Variants in RAB27B observed in about 807,000 individuals in gnomAD.
RAB27B encodes the protein ras-related protein Rab-27B.
RAB27B carries 15 observed loss-of-function variants against 24.6 expected under a neutral mutation model. The ratio of observed to expected loss-of-function variants is 0.61; its 90% confidence interval spans 0.41 to 0.94. The LOEUF (loss-of-function observed/expected upper bound fraction) is 0.94, where lower values mean the gene tolerates loss of function less well. Among genes scored for constraint, RAB27B ranks in the 40% least tolerant of loss-of-function variants. The probability of loss-of-function intolerance (pLI) is 0.00; values close to 1 mark genes in which losing one functional copy is unlikely to be tolerated. For synonymous variants in RAB27B, 105 were observed against 92.5 expected (o/e 1.14, Z -0.78); for missense variants, 261 against 266.8 (o/e 0.98, Z 0.15).
At chr18:54,839,315 G>A (rs930071083) in intron 1 of RAB27B, among the ~76,000 whole-genome samples, 1 of 152,064 alleles carries the variant, frequency 6.6e-6, no homozygotes, top group African/African-American at 2.4e-5. Flanking sequence ...TGCAAATTCT[G>A]TTTTTTCCTA....
upstream of RAB27B, among the ~76,000 whole-genome samples, chr18:54,824,038 T>G (rs1910394768): frequency 6.6e-6 from 1 of 152,174 alleles, no homozygotes; most frequent in African/African-American, 2.4e-5. Flanking sequence ...ATTTAGCAAC[T>G]TTACACATTA....
At chr18:54,850,729 T>C (rs1444434081) in intron 1 of RAB27B, among the ~76,000 whole-genome samples, 2 of 151,572 alleles carry the variant, frequency 1.3e-5, no homozygotes, top group Non-Finnish European at 2.9e-5. Context: ...AAGGGACTTA[T>C]TCAGTGCTTT....
At chr18:54,825,380 T>C (rs1910438965), upstream of RAB27B, among the ~76,000 whole-genome samples, 1 of 152,178 alleles carries the variant, frequency 6.6e-6, no homozygotes, top group Non-Finnish European at 1.5e-5. Context: ...TCATTTCTGG[T>C]ATTGTTTTTG....
chr18:54,867,590 G>A (rs1298726610), intron 1 of RAB27B, among the ~76,000 whole-genome samples: 1 of 151,828 alleles, frequency 6.6e-6, no homozygotes, highest in Non-Finnish European at 1.5e-5. Flanking sequence ...GGGATTACAG[G>A]CGCGTGCCAC....
At chr18:54,724,200 T>C (rs1210975269) in intron 2 of RAB27B, among the ~76,000 whole-genome samples, 2 of 151,738 alleles carry the variant, frequency 1.3e-5, no homozygotes, top group Non-Finnish European at 3.0e-5. Flanking sequence ...ATTTTAAAAA[T>C]TTTAGAAGCA....
chr18:54,770,687 C>T (rs138872644), intron 2 of RAB27B, among the ~76,000 whole-genome samples: 22 of 152,094 alleles, frequency 1.4e-4, no homozygotes, highest in African/African-American at 1.9e-4. Context: ...TTTCGGGGAC[C>T]GCTACTCTTT....
chr18:54,868,623 T>TTGG (rs58222992), intron 1 of RAB27B, among the ~76,000 whole-genome samples: 1 of 54,336 alleles, frequency 1.8e-5, no homozygotes, highest in African/African-American at 5.1e-5. Flanking sequence ...GTTGTTGTTG[T>TTGG]TTGTTTGTTT....
At chr18:54,796,343 C>T (rs556412886) in intron 2 of RAB27B, among the ~76,000 whole-genome samples, 18 of 152,356 alleles carry the variant, frequency 1.2e-4, no homozygotes, top group Admixed American at 2.0e-4. Flanking sequence ...GCTCGATAGA[C>T]CCTCTGTCTT....
intron 2 of RAB27B, among the ~76,000 whole-genome samples, chr18:54,778,492 A>G (rs140357531): frequency 1.3e-5 from 2 of 152,286 alleles, no homozygotes; most frequent in African/African-American, 4.8e-5. Flanking sequence ...GATGAAACCA[A>G]CTAACACAGG....
intron 2 of RAB27B, among the ~76,000 whole-genome samples, chr18:54,781,432 A>G (rs1326499998): frequency 1.3e-5 from 2 of 151,974 alleles, no homozygotes; most frequent in African/African-American, 4.8e-5. Context: ...ATTAGCCATG[A>G]TTCAAGGTCC....
upstream of RAB27B, among the ~76,000 whole-genome samples, chr18:54,825,655 A>G (rs938000929): frequency 7.2e-5 from 11 of 152,168 alleles, no homozygotes; most frequent in African/African-American, 2.4e-4. Flanking sequence ...GTAAAAAGGC[A>G]TGTGTTCAGT....
At chr18:54,747,246 C>CT (rs1170156813) in intron 2 of RAB27B, among the ~76,000 whole-genome samples, 1 of 152,104 alleles carries the variant, frequency 6.6e-6, no homozygotes, top group Non-Finnish European at 1.5e-5. Context: ...TCTTGCGTAA[C>CT]TTTTTCTGTC....
intron 2 of RAB27B, among the ~76,000 whole-genome samples, chr18:54,805,203 G>A (rs981697466): frequency 1.3e-5 from 2 of 151,952 alleles, no homozygotes; most frequent in Non-Finnish European, 2.9e-5. Flanking sequence ...GCTCTGGTTG[G>A]CATCACAGAC....
chr18:54,868,338 G>A (rs1689530441), intron 1 of RAB27B, among the ~76,000 whole-genome samples: 1 of 152,004 alleles, frequency 6.6e-6, no homozygotes, highest in African/African-American at 2.4e-5. Context: ...CTCCCCTTTT[G>A]CCTTCCACTA....
In RAB27B at chr18:54,868,603, C is replaced by CGTTGTTGTTGTTGTT. The variant is rs9319919; in HGVS notation, c.-19-8957_-19-8943dup. Among the ~76,000 whole-genome samples the CGTTGTTGTTGTTGTT allele has an allele frequency of 9.0e-4, 136 of 151,038 alleles. 1 individual carries two copies. The highest frequency in any genetic ancestry group is 2.8e-3 in the African/African-American group (117 of 41,088). On this transcript the variant is annotated intron_variant, in intron 1 of 5. Coordinates refer to ENST00000262094, the MANE Select transcript of RAB27B (RefSeq NM_004163.4). Reference sequence around the variant, plus strand: ...ATGTGACATTCTAAACTCTCAGTTTCGTTGTTGTTGTTGTTGTTGTTTGTT... The same window carrying CGTTGTTGTTGTTGTT: ...ATGTGACATTCTAAACTCTCAGTTTCGTTGTTGTTGTTGTTGTTGTTGTTGTTGTTGTTGTTTGTT...
intron 2 of RAB27B, among the ~76,000 whole-genome samples, chr18:54,763,780 A>T (rs1833305): frequency 0.41 from 62,308 of 151,986 alleles, 15,610 homozygotes; most frequent in East Asian, 0.58. Flanking sequence ...ATCCATTTTA[A>T]GTACTAAAGT....
At chr18:54,812,539 G>C (rs976895100) in intron 2 of RAB27B, among the ~76,000 whole-genome samples, 3 of 134,130 alleles carry the variant, frequency 2.2e-5, no homozygotes, top group Non-Finnish European at 4.8e-5. Flanking sequence ...GTCTGACCAT[G>C]GAACTCCTTT....
chr18:54,845,225 G>A (rs1007994684), intron 1 of RAB27B, among the ~76,000 whole-genome samples: 10 of 151,946 alleles, frequency 6.6e-5, no homozygotes, highest in African/African-American at 2.4e-4. Context: ...TGGCCAACAT[G>A]GTGAAACCCC....
At chr18:54,820,701 T>C (rs546192383) in intron 2 of RAB27B, among the ~76,000 whole-genome samples, 13 of 152,324 alleles carry the variant, frequency 8.5e-5, no homozygotes, top group African/African-American at 2.6e-4. Context: ...CATGCCTATG[T>C]CCTGAATGGT....
Sources: gnomAD v4.1 joint callset for allele counts (sites outside exome capture counted in the v4.1 genomes callset) on GRCh38, gnomAD v4.1.1 for gene constraint, MANE v1.5 for transcripts, NCBI Gene and HGNC (gene_info 2026-07-23, HGNC 2026-07-21) for gene names.